Variants in SHISA6 observed in about 807,000 individuals in gnomAD.
SHISA6 encodes the protein protein shisa-6.
A neutral mutation model predicts 47.9 loss-of-function variants in SHISA6; 22 were observed. The observed-to-expected ratio is 0.46, with a 90% CI of 0.33 to 0.66. SHISA6 has a LOEUF of 0.66. Ranked by LOEUF, SHISA6 falls within the 30% of genes least tolerant of loss-of-function variation. The pLI is 0.02. For missense variants in SHISA6, 680 were observed against 764.6 expected (o/e 0.89, Z 1.30); for synonymous variants, 388 against 337.8 (o/e 1.15, Z -1.63).
chr17:11,558,759 C>T lies in SHISA6; in HGVS notation c.*455C>T, dbSNP rs2072010212. 1 of 204,182 alleles carries T rather than the reference C, an allele frequency of 4.9e-6. No individual in the cohort carries two copies. The highest frequency in any genetic ancestry group is 1.0e-5 in the Non-Finnish European group (1 of 99,986). The allele number at this position is 204,182 out of a possible 1,614,324, so 12.6% of individuals were successfully genotyped here. A position where few individuals can be genotyped will look rare whatever the true frequency, so the allele number is the denominator to read the frequency against. On this transcript the variant is annotated 3_prime_UTR_variant, in exon 6 of 6. Coordinates refer to ENST00000441885, the MANE Select transcript of SHISA6 (RefSeq NM_207386.4). ...ACCGGATAGGCTACTCGGTCTCATTCATTCATCTAGAACCGCATCACAGAA... is the reference window on the plus strand; with the variant it reads ...ACCGGATAGGCTACTCGGTCTCATTTATTCATCTAGAACCGCATCACAGAA...
At chr17:11,386,302 G>C (rs558433118) in intron 3 of SHISA6, among the ~76,000 whole-genome samples, 89 of 152,272 alleles carry the variant, frequency 5.8e-4, no homozygotes, top group African/African-American at 1.9e-3. Context: ...TTGAACTCGG[G>C]AGGTGGAAGT....
At chr17:11,481,077 G>A (rs188609758) in intron 3 of SHISA6, among the ~76,000 whole-genome samples, 16 of 152,038 alleles carry the variant, frequency 1.1e-4, no homozygotes, top group African/African-American at 3.4e-4. Flanking sequence ...CCAGGAGTTC[G>A]AGACCAGCCG....
At chr17:11,253,499 C>A (rs558693336) in intron 1 of SHISA6, among the ~76,000 whole-genome samples, 1 of 152,060 alleles carries the variant, frequency 6.6e-6, no homozygotes, top group African/African-American at 2.4e-5. Context: ...AGTAGCTCTT[C>A]GAAGATCAAT....
At chr17:11,391,160 A>G (rs987807292) in intron 3 of SHISA6, among the ~76,000 whole-genome samples, 1 of 152,184 alleles carries the variant, frequency 6.6e-6, no homozygotes, top group Non-Finnish European at 1.5e-5. Flanking sequence ...GTGTGGGGCC[A>G]TAAGTCACCT....
intron 3 of SHISA6, among the ~76,000 whole-genome samples, chr17:11,451,019 T>C (rs1915384744): frequency 2.0e-5 from 3 of 150,490 alleles, no homozygotes; most frequent in African/African-American, 4.9e-5. Context: ...AAAAACAGAT[T>C]TGGCCAGATT....
chr17:11,344,028 G>A (rs922594743), intron 2 of SHISA6, among the ~76,000 whole-genome samples: 6 of 152,136 alleles, frequency 3.9e-5, no homozygotes, highest in Admixed American at 6.5e-5. Context: ...CCTAGTGGGC[G>A]TAAAGTGGTG....
intron 2 of SHISA6, among the ~76,000 whole-genome samples, chr17:11,292,726 G>A (rs1013522214): frequency 6.6e-6 from 1 of 151,924 alleles, no homozygotes; most frequent in Non-Finnish European, 1.5e-5. Flanking sequence ...AGATGAACTT[G>A]CGTCCTTCCG....
intron 3 of SHISA6, among the ~76,000 whole-genome samples, chr17:11,383,289 G>A (rs751429097): frequency 9.9e-5 from 15 of 152,182 alleles, no homozygotes; most frequent in Admixed American, 3.9e-4. Flanking sequence ...CAGAAGCACC[G>A]TCTAGCATCA....
intron 3 of SHISA6, among the ~76,000 whole-genome samples, chr17:11,547,572 T>C (rs896263570): frequency 1.3e-5 from 2 of 152,170 alleles, no homozygotes; most frequent in African/African-American, 4.8e-5. Flanking sequence ...GAGAAATTCA[T>C]AGTTAAAGAC....
At chr17:11,488,073 G>A (rs1916394390) in intron 3 of SHISA6, among the ~76,000 whole-genome samples, 1 of 152,222 alleles carries the variant, frequency 6.6e-6, no homozygotes, top group Non-Finnish European at 1.5e-5. Flanking sequence ...CACCCAAGGA[G>A]CATTACGTTT....
intron 3 of SHISA6, among the ~76,000 whole-genome samples, chr17:11,524,368 G>A (rs1336763309): frequency 6.6e-6 from 1 of 152,130 alleles, no homozygotes; most frequent in African/African-American, 2.4e-5. Context: ...TGTCCCAGAA[G>A]AGGTAGATTG....
chr17:11,493,301 C>T (rs2071381280), intron 3 of SHISA6, among the ~76,000 whole-genome samples: 1 of 152,084 alleles, frequency 6.6e-6, no homozygotes, highest in South Asian at 2.1e-4. Context: ...CATCTCAGCT[C>T]ACTGCAGTAT....
intron 2 of SHISA6, among the ~76,000 whole-genome samples, chr17:11,304,262 C>T (rs1032858336): frequency 3.9e-5 from 6 of 152,146 alleles, no homozygotes; most frequent in Middle Eastern, 3.2e-3. Context: ...GGGAGGTGGC[C>T]GGGTGGCAGT....
chr17:11,269,253 G>T (rs561215038), intron 2 of SHISA6, among the ~76,000 whole-genome samples: 1 of 152,218 alleles, frequency 6.6e-6, no homozygotes, highest in East Asian at 1.9e-4. Context: ...TGTTGGCCAG[G>T]ATGGTCTTGA....
chr17:11,330,742 A>C (rs985763092), intron 2 of SHISA6, among the ~76,000 whole-genome samples: 3 of 152,178 alleles, frequency 2.0e-5, no homozygotes, highest in African/African-American at 7.2e-5. Context: ...CAAAGAAAAA[A>C]ATGTAAGTAT....
At chr17:11,284,691 C>G (rs1466305555) in intron 2 of SHISA6, among the ~76,000 whole-genome samples, 1 of 152,158 alleles carries the variant, frequency 6.6e-6, no homozygotes, top group Non-Finnish European at 1.5e-5. Flanking sequence ...TAAAATAATT[C>G]AGATGTCCCT....
chr17:11,425,205 G>A lies in SHISA6; in HGVS notation c.895+45696G>A, dbSNP rs1689160511. Among the ~76,000 whole-genome samples, 3 of 151,816 alleles carry A rather than the reference G, an allele frequency of 2.0e-5. No homozygotes were observed. In the South Asian group the frequency reaches 6.2e-4, roughly 32 times the overall value. ...GGAGAAGCAAGAGAAGGACAAAAGA[G>A]GTAACTCAACATGGTAAGCTCTTGA... On this transcript the variant is annotated intron_variant, in intron 3 of 5. Transcript: ENST00000441885.
chr17:11,387,708 A>G (rs2142252217), intron 3 of SHISA6, among the ~76,000 whole-genome samples: 1 of 152,316 alleles, frequency 6.6e-6, no homozygotes, highest in South Asian at 2.1e-4. Flanking sequence ...ACTTTGGGAA[A>G]TAACAATGGC....
intron 3 of SHISA6, among the ~76,000 whole-genome samples, chr17:11,381,538 G>A (rs181117807): frequency 1.3e-5 from 2 of 152,288 alleles, no homozygotes; most frequent in Non-Finnish European, 2.9e-5. Flanking sequence ...GGTGGGAATT[G>A]GGGAAGTAGA....
Sources: gnomAD v4.1 joint callset for allele counts (sites outside exome capture counted in the v4.1 genomes callset) on GRCh38, gnomAD v4.1.1 for gene constraint, MANE v1.5 for transcripts, NCBI Gene and HGNC (gene_info 2026-07-23, HGNC 2026-07-21) for gene names.